Variants in SREBF2 observed in about 807,000 individuals in gnomAD.
SREBF2 encodes sterol regulatory element-binding protein 2.
Under a neutral mutation model 113.1 loss-of-function variants are expected in SREBF2, and 55 were observed. The observed-to-expected ratio is 0.49, with a 90% CI of 0.39 to 0.61. The LOEUF (loss-of-function observed/expected upper bound fraction) is 0.61, where lower values mean the gene tolerates loss of function less well. Ranked by LOEUF, SREBF2 falls within the 20% of genes least tolerant of loss-of-function variation. The pLI, the probability that SREBF2 is intolerant of heterozygous loss-of-function variation, is 0.00. For synonymous variants in SREBF2, 593 were observed against 605.7 expected (o/e 0.98, Z 0.31); for missense variants, 1,349 against 1,487.4 (o/e 0.91, Z 1.53).
chr22:41,887,060 C>T (rs915333102), intron 11 of SREBF2, among the ~76,000 whole-genome samples: 1 of 151,592 alleles, frequency 6.6e-6, no homozygotes, highest in East Asian at 1.9e-4. Flanking sequence ...TACATACAAA[C>T]AAAAATTAGC....
At position 41,877,236 on chromosome 22, in the gene SREBF2, A is replaced by G. The variant is rs766676489; in HGVS notation, c.1394A>G (p.Asp465Gly). 6.2e-7 allele frequency: 1 copy of G among 1,614,248 alleles called. No homozygotes were observed. Among genetic ancestry groups the G allele is most frequent in the Non-Finnish European group, 8.5e-7 (1 of 1,180,048 alleles). The change falls in exon 8 of 19, where the codon GAT becomes GGT. Residue 465 changes from aspartate to glycine, a missense_variant. Physicochemically the swap from Asp to Gly is moderately conservative, Grantham distance 94. Around this residue, in one of 2 missense-constraint regions of SREBF2, gnomAD observed 699 missense variants for 843.3 expected, o/e 0.83. Transcript: ENST00000361204. ...SPLLDDAKVK[D>G]EPDSPPVALG... ...CGAGGCCTTGTTTTGAAGGTCAAAG[A>G]TGAGCCAGACTCTCCTCCTGTGGCG...
chr22:41,844,868 C>T (rs2076862730), intron 1 of SREBF2, among the ~76,000 whole-genome samples: 1 of 151,904 alleles, frequency 6.6e-6, no homozygotes, highest in South Asian at 2.1e-4. Flanking sequence ...TTACACTTTA[C>T]CCAAGTCCTC....
rs1404834839 is a variant in SREBF2, at chr22:41,898,648, G to A, written c.2606-1G>A. Reference sequence around the variant, plus strand: ...GTGCGTTTGGTGCTGTTCTCCTCTAGGTCCAGACATCATCTGTCGGTGGTG... The same window carrying A: ...GTGCGTTTGGTGCTGTTCTCCTCTAAGTCCAGACATCATCTGTCGGTGGTG... On this transcript the variant is annotated splice_acceptor_variant, in intron 14 of 18. Coordinates refer to ENST00000361204, the MANE Select transcript of SREBF2 (RefSeq NM_004599.4). LOFTEE classifies it high-confidence loss of function. 1 of 1,613,844 alleles carries A rather than the reference G, an allele frequency of 6.2e-7. No individual in the cohort carries two copies. The highest frequency in any genetic ancestry group is 8.5e-7 in the Non-Finnish European group (1 of 1,179,990).
chr22:41,888,526 C>T (rs953018450), intron 11 of SREBF2, among the ~76,000 whole-genome samples: 2 of 152,292 alleles, frequency 1.3e-5, no homozygotes, highest in East Asian at 3.9e-4. Flanking sequence ...TTTTCTCTTA[C>T]GTCTTGATGT....
intron 9 of SREBF2, among the ~76,000 whole-genome samples, chr22:41,879,749 C>T (rs761785319): frequency 2.6e-5 from 4 of 152,158 alleles, no homozygotes; most frequent in Admixed American, 1.3e-4. Context: ...CTTTCATTTC[C>T]CAAGACTATA....
intron 1 of SREBF2, among the ~76,000 whole-genome samples, chr22:41,848,201 C>A (rs904787529): frequency 5.9e-5 from 9 of 152,118 alleles, no homozygotes; most frequent in Non-Finnish European, 1.3e-4. Context: ...GCTGTACCCA[C>A]TAACTCGTCA....
chr22:41,864,051 A>G (rs1009587820), intron 1 of SREBF2, among the ~76,000 whole-genome samples: 1 of 149,258 alleles, frequency 6.7e-6, no homozygotes, highest in African/African-American at 2.5e-5. Context: ...TGCCTGGCTA[A>G]TTTTTGTAGT....
At position 41,906,839 on chromosome 22, in the gene SREBF2, C is replaced by T. The variant is rs924170027; in HGVS notation, c.*1179C>T. 9.8e-5 allele frequency: 15 copies of T among 152,302 alleles called. No homozygotes were observed. Among genetic ancestry groups the T allele is most frequent in the African/African-American group, 3.4e-4 (14 of 41,558 alleles). 9.4% of individuals were successfully genotyped at this position (152,302 alleles called of 1,614,324 possible). On this transcript the variant is annotated 3_prime_UTR_variant, in exon 19 of 19. Transcript: ENST00000361204. ...ATGGTGGGCACTAGGAATGAGGTCC[C>T]CTGCCTCGATGCGGGTCCTAGGAGA...
At chr22:41,883,926 T>A (rs2077273782) in intron 10 of SREBF2, among the ~76,000 whole-genome samples, 1 of 152,160 alleles carries the variant, frequency 6.6e-6, no homozygotes, top group African/African-American at 2.4e-5. Flanking sequence ...ACGAGAGCTG[T>A]GATGGGCCCT....
chr22:41,878,213 T>G, intron 9 of SREBF2, 90 bp downstream of exon 9: 1 of 1,551,122 alleles, frequency 6.4e-7, no homozygotes, highest in East Asian at 2.3e-5. Flanking sequence ...TGATAGATGC[T>G]TGTGGTGAGA....
chr22:41,853,605 A>G (rs998231773), intron 1 of SREBF2, among the ~76,000 whole-genome samples: 2 of 150,048 alleles, frequency 1.3e-5, no homozygotes, highest in African/African-American at 5.1e-5. Flanking sequence ...ATCCTTCTGT[A>G]TTTACATACT....
intron 1 of SREBF2, among the ~76,000 whole-genome samples, chr22:41,842,023 A>G (rs7287886): frequency 3.9e-4 from 60 of 152,332 alleles, no homozygotes; most frequent in African/African-American, 1.3e-3. Flanking sequence ...GGAGTCTTCA[A>G]GTTCAGCTGG....
At chr22:41,865,299 T>G (rs1000117583) in intron 1 of SREBF2, among the ~76,000 whole-genome samples, 1 of 151,932 alleles carries the variant, frequency 6.6e-6, no homozygotes, top group African/African-American at 2.4e-5. Context: ...TCACATGGCC[T>G]TGAAGGTTTG....
At chr22:41,894,714 G>A in intron 12 of SREBF2, 106 bp from the exon 13 acceptor site, 1 of 947,936 alleles carries the variant, frequency 1.1e-6, no homozygotes, top group Non-Finnish European at 1.7e-6. Context: ...AGGGGCATCT[G>A]ATCCCCATTC....
Position 41,833,410 on chromosome 22 carries a change from A to C in SREBF2, c.88+52A>C. On this transcript the variant is annotated intron_variant, in intron 1 of 18. Coordinates refer to ENST00000361204, the MANE Select transcript of SREBF2 (RefSeq NM_004599.4). This position sits in a 1 kb window ranked among gnomAD's most constrained non-coding sequence, Gnocchi z 4.1. ...GGGGCCGCGCGGGGAGGAAGGGGTT[A>C]CGGCGGCGCGCCCGGGTGCGCGTGC... 1 of 1,479,872 alleles carries C rather than the reference A, an allele frequency of 6.8e-7. No homozygotes were observed. Among genetic ancestry groups the C allele is most frequent in the Non-Finnish European group, 9.1e-7 (1 of 1,099,628 alleles). The allele number at this position is 1,479,872 out of a possible 1,614,324, so 91.7% of individuals were successfully genotyped here. A position where few individuals can be genotyped will look rare whatever the true frequency, so the allele number is the denominator to read the frequency against.
chr22:41,837,053 G>A (rs904919280), intron 1 of SREBF2, among the ~76,000 whole-genome samples: 3 of 152,128 alleles, frequency 2.0e-5, no homozygotes, highest in Non-Finnish European at 4.4e-5. Context: ...TCTCTCTCAC[G>A]AAGCTTACAT....
chr22:41,889,940 G>A (rs528682966), intron 11 of SREBF2, among the ~76,000 whole-genome samples: 16 of 152,216 alleles, frequency 1.1e-4, no homozygotes, highest in African/African-American at 3.1e-4. Flanking sequence ...AGAGGTTGCC[G>A]TGAGCCGAGA....
chr22:41,861,890 G>T (rs947667287), intron 1 of SREBF2, among the ~76,000 whole-genome samples: 3 of 151,702 alleles, frequency 2.0e-5, no homozygotes, highest in African/African-American at 7.3e-5. Context: ...ACCACTGCAC[G>T]CCTGGGCAAC....
intron 1 of SREBF2, among the ~76,000 whole-genome samples, chr22:41,849,703 T>C (rs2076909391): frequency 6.6e-6 from 1 of 152,214 alleles, no homozygotes; most frequent in African/African-American, 2.4e-5. Context: ...ATTTGAAGAA[T>C]AATTTAATAA....
Sources: gnomAD v4.1 joint callset for allele counts (sites outside exome capture counted in the v4.1 genomes callset) on GRCh38, gnomAD v4.1.1 for gene constraint, gnomAD v4.1.1 regional missense constraint, Gnocchi (gnomAD v3.1) non-coding constraint, MANE v1.5 for transcripts, NCBI Gene and HGNC (gene_info 2026-07-23, HGNC 2026-07-21) for gene names.